Variants in ZNF385D observed in about 807,000 individuals in gnomAD.
The protein encoded by ZNF385D is zinc finger protein 385D, also known as zinc finger protein 659.
ZNF385D carries 15 observed loss-of-function variants against 35.8 expected under a neutral mutation model. The observed-to-expected ratio is 0.42, with a 90% CI of 0.28 to 0.64. The LOEUF is 0.64. ZNF385D is among the 30% of genes least tolerant of loss of function. ZNF385D has a pLI of 0.23. For missense variants in ZNF385D, 474 were observed against 494.6 expected (o/e 0.96, Z 0.39); for synonymous variants, 212 against 186.8 (o/e 1.13, Z -1.10).
At chr3:22,283,133 T>A (rs987117885) in intron 2 of ZNF385D, among the ~76,000 whole-genome samples, 8 of 151,932 alleles carry the variant, frequency 5.3e-5, no homozygotes, top group African/African-American at 1.7e-4. Flanking sequence ...TAGTAAAATA[T>A]CACAATCCTA....
rs556616243 is a variant in ZNF385D at position 22,260,351 on chromosome 3, G to A, written c.107-91316C>T. 2.0e-5 allele frequency among the ~76,000 whole-genome samples: 3 copies of A among 151,892 alleles called. No individual in the cohort carries two copies. The East Asian group carries it at 5.8e-4, about 30-fold the overall frequency. On this transcript the variant is annotated intron_variant, in intron 2 of 5. Transcript: ENST00000494108. ...ATCACACACCAGGGCCTGTTGGCAG[G>A]TGGGCGGCAAGGGGAGGGAGAGCAT... is the stretch of plus-strand genomic sequence containing the variant.
chr3:22,047,898 T>C (rs754232786), intron 3 of ZNF385D, among the ~76,000 whole-genome samples: 4 of 152,180 alleles, frequency 2.6e-5, no homozygotes, highest in African/African-American at 7.2e-5. Flanking sequence ...ACACTTCACA[T>C]CTTCACCAAC....
At position 21,610,822 on chromosome 3, in the gene ZNF385D, G is replaced by A. The variant is rs9865601; in HGVS notation, c.166-46138C>T. ...TCATGTGTTATTTCACGGTTGCTGT[G>A]GCTCTGAAGTCCAGACACAGCTTAG... On this transcript the variant is annotated intron_variant, in intron 2 of 7. Transcript: ENST00000281523. Among the ~76,000 whole-genome samples the A allele has an allele frequency of 3.1e-3, 467 of 152,070 alleles. 2 individuals carry two copies. The highest frequency in any genetic ancestry group is 0.011 in the African/African-American group (437 of 41,506).
intron 3 of ZNF385D, among the ~76,000 whole-genome samples, chr3:21,842,409 A>G (rs1695737974): frequency 2.0e-5 from 3 of 151,954 alleles, no homozygotes; most frequent in South Asian, 4.1e-4. Flanking sequence ...GCCTATGTGA[A>G]TTTCCCCTAC....
chr3:21,967,185 T>C (rs934739022), intron 3 of ZNF385D, among the ~76,000 whole-genome samples: 6 of 152,186 alleles, frequency 3.9e-5, no homozygotes, highest in Non-Finnish European at 7.3e-5. Context: ...AGCATTTCTT[T>C]AGCTTTGGCA....
rs394695 is a variant in ZNF385D at position 21,420,561 on chromosome 3, C to T, written c.*653G>A. On this transcript the variant is annotated 3_prime_UTR_variant, in exon 8 of 8. Transcript: ENST00000281523. ...CCAGGGAGACCTCCATGACACCATC[C>T]GGTGTATGTTTATTTTTTGACTGCT... is the stretch of plus-strand genomic sequence containing the variant. 0.63 allele frequency: 94,980 copies of T among 151,964 alleles called. 30,306 individuals carry two copies. The highest frequency in any genetic ancestry group is 0.74 in the African/African-American group (30,886 of 41,468). 9.4% of individuals were successfully genotyped at this position (151,964 alleles called of 1,614,324 possible). A position where few individuals can be genotyped will look rare whatever the true frequency, so the allele number is the denominator to read the frequency against.
At chr3:22,021,427 T>C (rs1360940679) in intron 3 of ZNF385D, among the ~76,000 whole-genome samples, 1 of 151,890 alleles carries the variant, frequency 6.6e-6, no homozygotes. Flanking sequence ...GACCCTAAAA[T>C]AGAAACAATA....
At chr3:21,542,472 C>T (rs1230679240) in intron 3 of ZNF385D, among the ~76,000 whole-genome samples, 1 of 152,004 alleles carries the variant, frequency 6.6e-6, no homozygotes, top group African/African-American at 2.4e-5. Flanking sequence ...CTCTGCTTCT[C>T]AAGTAGCTAG....
intron 2 of ZNF385D, among the ~76,000 whole-genome samples, chr3:21,594,242 C>G (rs561813500): frequency 1.3e-5 from 2 of 152,142 alleles, no homozygotes; most frequent in Non-Finnish European, 2.9e-5. Context: ...TTTGCAGTAT[C>G]CATTTGTTCT....
intron 2 of ZNF385D, among the ~76,000 whole-genome samples, chr3:22,197,676 G>A (rs1013397813): frequency 1.3e-5 from 2 of 152,084 alleles, no homozygotes; most frequent in African/African-American, 4.8e-5. Flanking sequence ...TTTCACTCCT[G>A]TTGTATGAGT....
At chr3:21,514,129 A>G (rs1198409626) in intron 3 of ZNF385D, among the ~76,000 whole-genome samples, 3 of 152,160 alleles carry the variant, frequency 2.0e-5, no homozygotes, top group African/African-American at 7.2e-5. Context: ...AGAGGAGTGT[A>G]GGACAGTTAT....
chr3:22,029,232 CT>C lies in ZNF385D; in HGVS notation c.325+139584del, dbSNP rs1188527420. Among the ~76,000 whole-genome samples, 72 of 152,272 alleles carry C rather than the reference CT, an allele frequency of 4.7e-4. 2 individuals carry two copies. In the East Asian group the frequency reaches 0.013, roughly 27 times the overall value. On this transcript the variant is annotated intron_variant, in intron 3 of 5. Transcript: ENST00000494108. ...GGAGTTACAGTGTTGGTTTGGGTGACTTACTTGCACTATCAAGATGAAATTA... is the reference window on the plus strand; with the variant it reads ...GGAGTTACAGTGTTGGTTTGGGTGACTACTTGCACTATCAAGATGAAATTA...
intron 3 of ZNF385D, among the ~76,000 whole-genome samples, chr3:21,863,987 T>C (rs1355640139): frequency 1.3e-5 from 2 of 152,148 alleles, no homozygotes; most frequent in Admixed American, 6.5e-5. Context: ...AGCTTTCAGA[T>C]GATACTCATG....
At chr3:22,167,455 A>G (rs186504837) in intron 3 of ZNF385D, among the ~76,000 whole-genome samples, 2 of 152,306 alleles carry the variant, frequency 1.3e-5, no homozygotes, top group African/African-American at 4.8e-5. Context: ...CCATTGCTCA[A>G]TAAATTATTC....
chr3:21,803,210 T>G (rs1016193674), intron 3 of ZNF385D, among the ~76,000 whole-genome samples: 2 of 151,710 alleles, frequency 1.3e-5, no homozygotes, highest in Non-Finnish European at 2.9e-5. Context: ...TCACAGAGAG[T>G]GGCAGGTATA....
chr3:22,034,884 G>C (rs1427850782), intron 3 of ZNF385D, among the ~76,000 whole-genome samples: 1 of 152,066 alleles, frequency 6.6e-6, no homozygotes, highest in African/African-American at 2.4e-5. Context: ...ATATCTAAAA[G>C]TCAGCCCGGA....
chr3:21,546,581 C>G (rs2062380195), intron 3 of ZNF385D, among the ~76,000 whole-genome samples: 1 of 151,930 alleles, frequency 6.6e-6, no homozygotes, highest in South Asian at 2.1e-4. Flanking sequence ...TTGTCCCAGA[C>G]TCAATTCCAA....
At chr3:21,703,399 G>A (rs528518077) in intron 1 of ZNF385D, among the ~76,000 whole-genome samples, 42 of 152,196 alleles carry the variant, frequency 2.8e-4, no homozygotes, top group African/African-American at 9.4e-4. Flanking sequence ...ATAGAATTCA[G>A]CTTGAGATTT....
intron 2 of ZNF385D, among the ~76,000 whole-genome samples, chr3:21,580,336 G>GGCAAT: frequency 1.3e-5 from 2 of 152,262 alleles, no homozygotes; most frequent in African/African-American, 4.8e-5. Context: ...GAAATAAGTA[G>GGCAAT]TGTACCAATT....
Sources: gnomAD v4.1 joint callset for allele counts (sites outside exome capture counted in the v4.1 genomes callset) on GRCh38, gnomAD v4.1.1 for gene constraint, MANE v1.5 for transcripts, NCBI Gene and HGNC (gene_info 2026-07-23, HGNC 2026-07-21) for gene names.